DDHD1: variants seen among roughly 807,000 people sequenced by gnomAD.
DDHD1 encodes the protein DDHD domain containing 1, also known as phospholipase DDHD1.
A neutral mutation model predicts 96.4 loss-of-function variants in DDHD1; 49 were observed. That is an observed-to-expected ratio of 0.51 (90% CI 0.40 to 0.64). The LOEUF is 0.64. Among genes scored for constraint, DDHD1 ranks in the 30% least tolerant of loss-of-function variants. The pLI is 0.00. For synonymous variants in DDHD1, 442 were observed against 446.5 expected (o/e 0.99, Z 0.13); for missense variants, 1,106 against 1,161.2 (o/e 0.95, Z 0.69).
chr14:53,129,001 G>C (rs1231613778), intron 1 of DDHD1, among the ~76,000 whole-genome samples: 1 of 152,122 alleles, frequency 6.6e-6, no homozygotes, highest in Non-Finnish European at 1.5e-5. Context: ...AATGTACTTT[G>C]TGAGATCCAC....
chr14:53,152,823 G>A lies in DDHD1; in HGVS notation c.276C>T (p.Ser92=). The A allele has an allele frequency of 6.2e-7, 1 of 1,612,128 alleles. No individual in the cohort carries two copies. The highest frequency in any genetic ancestry group is 1.1e-5 in the South Asian group (1 of 90,964). The part of the protein sequence containing the change: ...PCLSDENYDF[S]SAESGSSLRY... ...GCAGCGAGGAGCCCGACTCGGCGGA[G>A]CTGAAGTCATAGTTCTCGTCACTGA... is the stretch of plus-strand genomic sequence containing the variant. Residue 92 remains serine, a synonymous_variant, in exon 1 of 13, where the codon AGC becomes AGT. Coordinates refer to ENST00000673822, the MANE Select transcript of DDHD1 (RefSeq NM_001160148.2).
chr14:53,048,875 GA>G (rs1882279571), intron 12 of DDHD1: 1 of 152,154 alleles, frequency 6.6e-6, no homozygotes, highest in African/African-American at 2.4e-5. Context: ...AAAGGAAAAA[GA>G]AGATGAAAAA....
chr14:53,075,477 G>C (rs555572423), intron 4 of DDHD1, among the ~76,000 whole-genome samples: 3 of 152,122 alleles, frequency 2.0e-5, no homozygotes, highest in African/African-American at 4.8e-5. Context: ...AGAAGCTACC[G>C]AAGAAAAGTT....
intron 2 of DDHD1, among the ~76,000 whole-genome samples, chr14:53,094,134 G>T (rs911078207): frequency 8.6e-5 from 13 of 151,212 alleles, no homozygotes; most frequent in Middle Eastern, 6.8e-3. Flanking sequence ...CCGAGATCAC[G>T]CCACTGCACT....
chr14:53,079,461 C>T (rs1885261069), intron 4 of DDHD1, among the ~76,000 whole-genome samples: 1 of 152,112 alleles, frequency 6.6e-6, no homozygotes, highest in African/African-American at 2.4e-5. Context: ...TAGTTTGTGT[C>T]TGTCTTGGAA....
At chr14:53,147,877 C>A (rs1181965115) in intron 1 of DDHD1, among the ~76,000 whole-genome samples, 1 of 152,124 alleles carries the variant, frequency 6.6e-6, no homozygotes, top group Non-Finnish European at 1.5e-5. Flanking sequence ...GCCTTCTACC[C>A]CCTGGGACTC....
chr14:53,118,234 C>T lies in DDHD1; in HGVS notation c.839-14378G>A, dbSNP rs191080398. ...ACCACAGCAGAAAAGCTGAAAAATC[C>T]AAAAAACAGAGCGCCTCTTCTCCTC... On this transcript the variant is annotated intron_variant, in intron 1 of 12. Transcript: ENST00000673822. Among the ~76,000 whole-genome samples, 850 of 152,096 alleles carry T rather than the reference C, an allele frequency of 5.6e-3. 3 individuals carry two copies. Among genetic ancestry groups the T allele is most frequent in the Non-Finnish European group, 7.3e-3 (497 of 67,954 alleles).
intron 4 of DDHD1, among the ~76,000 whole-genome samples, chr14:53,082,976 G>C (rs1477410122): frequency 6.6e-6 from 1 of 152,074 alleles, no homozygotes; most frequent in Non-Finnish European, 1.5e-5. Flanking sequence ...TATGCCTAAA[G>C]AAAATCTAGA....
chr14:53,087,416 G>T (rs1253333507), intron 4 of DDHD1, among the ~76,000 whole-genome samples: 1 of 152,092 alleles, frequency 6.6e-6, no homozygotes, highest in Non-Finnish European at 1.5e-5. Context: ...TGGAAGTAAA[G>T]CACTCCTCAG....
chr14:53,055,568 G>A (rs2139839103), intron 10 of DDHD1, 92 bp downstream of exon 10: 1 of 1,274,480 alleles, frequency 7.8e-7, no homozygotes. Context: ...ACTGCTGGGA[G>A]TTTCCTAATA....
At chr14:53,071,654 T>C (rs190162537) in intron 6 of DDHD1, among the ~76,000 whole-genome samples, 1 of 152,250 alleles carries the variant, frequency 6.6e-6, no homozygotes, top group East Asian at 1.9e-4. Flanking sequence ...CCAAAGTGAC[T>C]TATCTCACTT....
intron 4 of DDHD1, among the ~76,000 whole-genome samples, chr14:53,075,558 A>C (rs1332281018): frequency 2.6e-5 from 4 of 152,200 alleles, no homozygotes; most frequent in Non-Finnish European, 4.4e-5. Flanking sequence ...GTGCGAGGTA[A>C]GTGCTAATGT....
Position 53,040,179 on chromosome 14 carries a change from C to A in DDHD1, c.*6589G>T, listed in dbSNP as rs1881554067. 1 of 152,206 alleles carries A rather than the reference C, an allele frequency of 6.6e-6. No individual in the cohort carries two copies. The highest frequency in any genetic ancestry group is 2.1e-4 in the South Asian group (1 of 4,820). The allele number at this position is 152,206 out of a possible 1,614,324, so 9.4% of individuals were successfully genotyped here. ...GTTCTTGGAGTTAGCCTGAAGACCT[C>A]AGAGCTATGGTCACTGACTGAACCC... On this transcript the variant is annotated 3_prime_UTR_variant, in exon 13 of 13. Coordinates refer to ENST00000673822, the MANE Select transcript of DDHD1 (RefSeq NM_001160148.2).
At chr14:53,126,342 C>G (rs901080770) in intron 1 of DDHD1, among the ~76,000 whole-genome samples, 10 of 152,102 alleles carry the variant, frequency 6.6e-5, no homozygotes, top group Admixed American at 5.9e-4. Flanking sequence ...TATAATACAT[C>G]TAAATGTAGT....
rs909189277 is a variant in DDHD1, at chr14:53,038,121, C to T, written c.*8647G>A. On this transcript the variant is annotated 3_prime_UTR_variant, in exon 13 of 13. Coordinates refer to ENST00000673822, the MANE Select transcript of DDHD1 (RefSeq NM_001160148.2). Reference sequence around the variant, plus strand: ...TGAGCAAAAGCTGGAACTATTCCTTCTGAGAACTGGAATAAGAAGAGGATG... The same window carrying T: ...TGAGCAAAAGCTGGAACTATTCCTTTTGAGAACTGGAATAAGAAGAGGATG... The T allele has an allele frequency of 7.2e-5, 11 of 152,118 alleles. No homozygotes were observed. The highest frequency in any genetic ancestry group is 2.7e-4 in the African/African-American group (11 of 41,426). 9.4% of individuals were successfully genotyped at this position (152,118 alleles called of 1,614,324 possible).
chr14:53,052,539 T>A (rs1457445071), intron 11 of DDHD1: 1 of 152,122 alleles, frequency 6.6e-6, no homozygotes, highest in Non-Finnish European at 1.5e-5. Context: ...AGAAAAGTTT[T>A]ATGATTTGCA....
Position 53,041,809 on chromosome 14 carries a change from AG to A in DDHD1, c.*4958del. On this transcript the variant is annotated 3_prime_UTR_variant, in exon 13 of 13. Transcript: ENST00000673822. ...AAAGAAGGGACCAACTGCTAACTCA[AG>A]CCTACGGCCATGTGTCAGATTAAAG... The A allele has an allele frequency of 6.6e-6, 1 of 152,170 alleles. No individual in the cohort carries two copies. Among genetic ancestry groups the A allele is most frequent in the Admixed American group, 6.5e-5 (1 of 15,272 alleles). 9.4% of individuals were successfully genotyped at this position (152,170 alleles called of 1,614,324 possible).
chr14:53,127,057 G>C (rs1889500289), intron 1 of DDHD1, among the ~76,000 whole-genome samples: 1 of 152,114 alleles, frequency 6.6e-6, no homozygotes, highest in Non-Finnish European at 1.5e-5. Context: ...ATGCTAACAA[G>C]CACAGATGTA....
chr14:53,121,814 T>G (rs1474453152), intron 1 of DDHD1, among the ~76,000 whole-genome samples: 1 of 151,554 alleles, frequency 6.6e-6, no homozygotes. Context: ...ACCTAATGCA[T>G]GCAGGGCTTA....
Sources: gnomAD v4.1 joint callset for allele counts (sites outside exome capture counted in the v4.1 genomes callset) on GRCh38, gnomAD v4.1.1 for gene constraint, MANE v1.5 for transcripts, NCBI Gene and HGNC (gene_info 2026-07-23, HGNC 2026-07-21) for gene names.